The following RDM1 variants were observed in gnomAD, a reference collection of about 807,000 sequenced individuals.
RDM1 encodes RAD52 motif containing 1, also known as RAD52 motif-containing protein 1.
Under a neutral mutation model 27.7 loss-of-function variants are expected in RDM1, and 28 were observed. That is an observed-to-expected ratio of 1.01 (90% CI 0.75 to 1.39). The LOEUF (loss-of-function observed/expected upper bound fraction) is 1.39, where lower values mean the gene tolerates loss of function less well. RDM1 is among the 40% of genes most tolerant of loss of function. RDM1 has a pLI of 0.00. For missense variants in RDM1, 277 were observed against 337.3 expected (o/e 0.82, Z 1.40); for synonymous variants, 124 against 127.5 (o/e 0.97, Z 0.19).
chr17:35,918,220 G>A lies in RDM1; in HGVS notation c.*122C>T, dbSNP rs1416541158. ...CCTCCCCTTCGCCAGGAAAGATTTG[G>A]GCGGCCGACCCAGGTGGTTCCAGGA... On this transcript the variant is annotated 3_prime_UTR_variant, in exon 7 of 7. Transcript: ENST00000620284. 1.3e-6 allele frequency: 1 copy of A among 743,028 alleles called. No individual in the cohort carries two copies. The allele number at this position is 743,028 out of a possible 1,614,324, so 46.0% of individuals were successfully genotyped here. A position where few individuals can be genotyped will look rare whatever the true frequency, so the allele number is the denominator to read the frequency against.
intron 4 of RDM1, 121 bp from the exon 5 acceptor site, chr17:35,922,796 G>A (rs1386524918): frequency 9.5e-6 from 7 of 733,978 alleles, no homozygotes; most frequent in Non-Finnish European, 1.5e-5. Flanking sequence ...AAGGGCAGAT[G>A]GCACAAGCGT....
chr17:35,923,571 G>A (rs2951873), intron 4 of RDM1, among the ~76,000 whole-genome samples: 5,032 of 150,630 alleles, frequency 0.033, 265 homozygotes, highest in African/African-American at 0.12. Flanking sequence ...GCTGAGGCAG[G>A]AGAATCACTT....
intron 2 of RDM1, among the ~76,000 whole-genome samples, chr17:35,929,647 G>C (rs1335767943): frequency 2.6e-5 from 4 of 152,116 alleles, no homozygotes. Context: ...TTGCTATGTT[G>C]CCCAGGCTGG....
At position 35,918,271 on chromosome 17, in the gene RDM1, G is replaced by A; in HGVS notation, c.*71C>T. 2 of 1,316,410 alleles carry A rather than the reference G, an allele frequency of 1.5e-6. No individual in the cohort carries two copies. The highest frequency in any genetic ancestry group is 2.4e-5 in the South Asian group (2 of 83,384). 81.5% of individuals were successfully genotyped at this position (1,316,410 alleles called of 1,614,324 possible). On this transcript the variant is annotated 3_prime_UTR_variant, in exon 7 of 7. Transcript: ENST00000620284. ...CTCCAGCAGCCTATAGTGGTGGGGCGGCGTGGGGTAGGGGCACGACAGAGC... is the reference window on the plus strand; with the variant it reads ...CTCCAGCAGCCTATAGTGGTGGGGCAGCGTGGGGTAGGGGCACGACAGAGC...
rs1471828429 is a variant in RDM1 at position 35,922,399 on chromosome 17, T to C, written c.667+178A>G. On this transcript the variant is annotated intron_variant, in intron 5 of 6. Coordinates refer to ENST00000620284, the MANE Select transcript of RDM1 (RefSeq NM_145654.4). Reference sequence around the variant, plus strand: ...ACTGGGGACAATATTTGCTGTCATTTTTTTTCACAAATGTCACACAGAACA... The same window carrying C: ...ACTGGGGACAATATTTGCTGTCATTCTTTTTCACAAATGTCACACAGAACA... 5.3e-6 allele frequency: 4 copies of C among 747,708 alleles called. No homozygotes were observed. The African/African-American group carries it at 7.3e-5, about 14-fold the overall frequency. The allele number at this position is 747,708 out of a possible 1,614,324, so 46.3% of individuals were successfully genotyped here.
Position 35,924,643 on chromosome 17 carries a change from T to C in RDM1, c.529A>G (p.Ile177Val). The C allele has an allele frequency of 6.2e-7, 1 of 1,614,092 alleles. No individual in the cohort carries two copies. Among genetic ancestry groups the C allele is most frequent in the East Asian group, 2.2e-5 (1 of 44,882 alleles). The change falls in exon 4 of 7, where the codon ATT becomes GTT. Residue 177 changes from isoleucine to valine, a missense_variant. Transcript: ENST00000620284. ...LPSCDCRSPGIGLVEEPMDKV... is the reference protein window; with the variant it reads ...LPSCDCRSPGVGLVEEPMDKV... ...TCCATAGGCTCCTCCACCAAGCCAA[T>C]GCCAGGACTCCTGCAATCACAGGAT...
chr17:35,928,881 G>T (rs1219078300), intron 2 of RDM1, among the ~76,000 whole-genome samples: 1 of 152,070 alleles, frequency 6.6e-6, no homozygotes, highest in African/African-American at 2.4e-5. Flanking sequence ...TTCGAGACCA[G>T]ACTGGCCAAC....
chr17:35,918,529 T>A (rs1365150497), intron 6 of RDM1, 86 bp from the exon 7 acceptor site: 6 of 1,078,056 alleles, frequency 5.6e-6, no homozygotes, highest in African/African-American at 4.6e-5. Flanking sequence ...TGCTAAACTT[T>A]CCATATCCTT....
At chr17:35,925,366 A>G (rs1241819982) in intron 3 of RDM1, 149 bp downstream of exon 3, 16 of 723,554 alleles carry the variant, frequency 2.2e-5, no homozygotes, top group Non-Finnish European at 3.4e-5. Context: ...TCTAGGTAGC[A>G]GGCCAATTCA....
At chr17:35,919,857 T>C (rs1185775884) in intron 6 of RDM1, among the ~76,000 whole-genome samples, 3 of 152,190 alleles carry the variant, frequency 2.0e-5, no homozygotes, top group Non-Finnish European at 1.5e-5. Flanking sequence ...TCCCCATATC[T>C]CTGGGATTCT....
chr17:35,919,324 T>A (rs1227036396), intron 6 of RDM1, among the ~76,000 whole-genome samples: 1 of 152,226 alleles, frequency 6.6e-6, no homozygotes, highest in Non-Finnish European at 1.5e-5. Context: ...AGCTTTCATA[T>A]ACAGTCATGC....
intron 5 of RDM1, among the ~76,000 whole-genome samples, chr17:35,921,083 T>C (rs558110770): frequency 2.7e-4 from 41 of 152,344 alleles, no homozygotes; most frequent in African/African-American, 8.4e-4. Context: ...CATTTGAACA[T>C]TTTATTGGCA....
intron 3 of RDM1, 70 bp downstream of exon 3, chr17:35,925,445 C>T (rs941224235): frequency 6.4e-7 from 1 of 1,562,010 alleles, no homozygotes; most frequent in Non-Finnish European, 8.7e-7. Context: ...TTCAATACTT[C>T]TGTCTAAAAT....
intron 2 of RDM1, among the ~76,000 whole-genome samples, chr17:35,927,854 GT>G (rs2089202485): frequency 6.6e-6 from 1 of 152,144 alleles, no homozygotes; most frequent in Non-Finnish European, 1.5e-5. Flanking sequence ...CCAAGTAAAT[GT>G]TTCATAATCT....
rs1202369406 is a variant in RDM1 at position 35,930,640 on chromosome 17, C to T, written c.88G>A (p.Ala30Thr). 6.2e-7 allele frequency: 1 copy of T among 1,613,226 alleles called. No homozygotes were observed. Among genetic ancestry groups the T allele is most frequent in the East Asian group, 2.2e-5 (1 of 44,852 alleles). Residue 30 changes from alanine to threonine, a missense_variant, in exon 1 of 7, where the codon GCT (alanine) becomes ACT (threonine). Ala to Thr is a moderately conservative substitution (Grantham distance 58). Coordinates refer to ENST00000620284, the MANE Select transcript of RDM1 (RefSeq NM_145654.4). Reference sequence around the variant, plus strand: ...TCCTGGCCCCGGCTCACATGCAAAGCCTCGGCCGTGGGTCCGGAGCTCAGC... The same window carrying T: ...TCCTGGCCCCGGCTCACATGCAAAGTCTCGGCCGTGGGTCCGGAGCTCAGC... Reference protein sequence around the residue: ...WELSSGPTAEALHHSLFTAFS... With the variant: ...WELSSGPTAETLHHSLFTAFS...
chr17:35,920,979 G>A (rs2088925015), intron 5 of RDM1, among the ~76,000 whole-genome samples: 1 of 152,184 alleles, frequency 6.6e-6, no homozygotes. Context: ...CACATTAGAA[G>A]CAAGGGCCTT....
Position 35,924,641 on chromosome 17 carries a change from A to G in RDM1, c.531T>C (p.Ile177=). Residue 177 remains isoleucine (I), a synonymous_variant, in exon 4 of 7, where the codon ATT becomes ATC. Coordinates refer to ENST00000620284, the MANE Select transcript of RDM1 (RefSeq NM_145654.4). ...LPSCDCRSPG[I]GLVEEPMDKV... is the part of the protein sequence containing the mutation. ...TATCCATAGGCTCCTCCACCAAGCC[A>G]ATGCCAGGACTCCTGCAATCACAGG... The G allele has an allele frequency of 6.2e-7, 1 of 1,614,096 alleles. No homozygotes were observed. The highest frequency in any genetic ancestry group is 1.1e-5 in the South Asian group (1 of 91,068).
intron 5 of RDM1, among the ~76,000 whole-genome samples, chr17:35,920,983 G>A (rs74822836): frequency 0.038 from 5,733 of 152,226 alleles, 214 homozygotes; most frequent in South Asian, 0.17. Context: ...TTAGAAGCAA[G>A]GGCCTTCTTT....
chr17:35,919,354 G>A (rs758078597), intron 6 of RDM1, among the ~76,000 whole-genome samples: 15 of 150,164 alleles, frequency 1.0e-4, no homozygotes, highest in Non-Finnish European at 1.3e-4. Context: ...CATGTGAGGA[G>A]AAGCTTGAGA....
Sources: allele counts gnomAD v4.1 joint callset (sites outside exome capture counted in the v4.1 genomes callset), GRCh38; gene constraint gnomAD v4.1.1; transcripts MANE v1.5; gene names NCBI Gene and HGNC (gene_info 2026-07-23, HGNC 2026-07-21).